The following PLCG2 variants were observed in gnomAD, a reference collection of about 807,000 sequenced individuals.
The protein encoded by PLCG2 is 1-phosphatidylinositol 4,5-bisphosphate phosphodiesterase gamma-2.
A neutral mutation model predicts 175.6 loss-of-function variants in PLCG2; 69 were observed. The observed-to-expected ratio is 0.39, with a 90% CI of 0.32 to 0.48. The LOEUF (loss-of-function observed/expected upper bound fraction) is 0.48. PLCG2 is among the 20% of genes least tolerant of loss of function. PLCG2 has a pLI of 0.91. For missense variants in PLCG2, 1,798 were observed against 1,650.9 expected (o/e 1.09, Z -1.54); for synonymous variants, 827 against 624.0 (o/e 1.33, Z -4.85).
At chr16:81,776,089 CTT>C (rs1231258051), upstream of PLCG2, among the ~76,000 whole-genome samples, 1 of 46,824 alleles carries the variant, frequency 2.1e-5, no homozygotes, top group Non-Finnish European at 5.4e-5. Context: ...CTCTCTCTCT[CTT>C]TCTTTCTTTT....
chr16:81,919,706 C>G, intron 20 of PLCG2, 42 bp downstream of exon 20: 1 of 1,553,010 alleles, frequency 6.4e-7, no homozygotes. Context: ...GATTTCTTGT[C>G]TGAGGTTGTA....
chr16:81,844,604 G>C (rs2143439221), intron 2 of PLCG2, among the ~76,000 whole-genome samples: 2 of 152,350 alleles, frequency 1.3e-5, no homozygotes, highest in South Asian at 4.1e-4. Context: ...TTACCGGCGT[G>C]AGCCACTGTG....
intron 2 of PLCG2, among the ~76,000 whole-genome samples, chr16:81,769,479 G>A (rs1036153560): frequency 6.6e-6 from 1 of 152,158 alleles, no homozygotes; most frequent in South Asian, 2.1e-4. Flanking sequence ...CCCCAGGAGA[G>A]GTGAGAGTCC....
intron 2 of PLCG2, among the ~76,000 whole-genome samples, chr16:81,805,632 C>T (rs770672165): frequency 5.9e-5 from 9 of 151,946 alleles, no homozygotes; most frequent in Non-Finnish European, 1.3e-4. Context: ...CCCCTTCCCC[C>T]ACCCCACTCA....
At chr16:81,952,418 C>T (rs1216179527) in intron 31 of PLCG2, among the ~76,000 whole-genome samples, 1 of 151,944 alleles carries the variant, frequency 6.6e-6, no homozygotes, top group African/African-American at 2.4e-5. Context: ...TATCATATGC[C>T]AATAAAAAGA....
intron 21 of PLCG2, among the ~76,000 whole-genome samples, chr16:81,923,146 G>A (rs564632677): frequency 6.6e-6 from 1 of 152,092 alleles, no homozygotes; most frequent in African/African-American, 2.4e-5. Flanking sequence ...GAGCAATATT[G>A]TGTCACTACA....
intron 2 of PLCG2, among the ~76,000 whole-genome samples, chr16:81,824,210 C>T (rs540797512): frequency 1.2e-4 from 18 of 151,348 alleles, no homozygotes; most frequent in Admixed American, 7.3e-4. Flanking sequence ...CTCAGCTCAC[C>T]GCAACCTCCA....
chr16:81,782,505 C>T (rs927188322), intron 1 of PLCG2, among the ~76,000 whole-genome samples: 1 of 152,104 alleles, frequency 6.6e-6, no homozygotes, highest in African/African-American at 2.4e-5. Flanking sequence ...GTTGATAAAG[C>T]GTGGAACGCT....
Position 81,958,647 on chromosome 16 carries a change from G to C in PLCG2, c.*649G>C, listed in dbSNP as rs1201502163. 1 of 224,312 alleles carries C rather than the reference G, an allele frequency of 4.5e-6. No individual in the cohort carries two copies. Among genetic ancestry groups the C allele is most frequent in the African/African-American group, 2.2e-5 (1 of 44,824 alleles). The allele number at this position is 224,312 out of a possible 1,614,324, so 13.9% of individuals were successfully genotyped here. On this transcript the variant is annotated 3_prime_UTR_variant, in exon 33 of 33. Coordinates refer to ENST00000564138, the MANE Select transcript of PLCG2 (RefSeq NM_002661.5). ...TGTGACTAGAGTTACTGGGATGGAGGGTAGGAATCTTGGGGCCTCTTTGTT... is the reference window on the plus strand; with the variant it reads ...TGTGACTAGAGTTACTGGGATGGAGCGTAGGAATCTTGGGGCCTCTTTGTT...
intron 23 of PLCG2, among the ~76,000 whole-genome samples, chr16:81,927,783 TA>T (rs757666611): frequency 3.3e-5 from 5 of 152,050 alleles, no homozygotes; most frequent in Non-Finnish European, 7.4e-5. Flanking sequence ...ATTTGACCCT[TA>T]AAAGTCAAGT....
chr16:81,953,529 G>C (rs1048161223), intron 31 of PLCG2, among the ~76,000 whole-genome samples: 1 of 152,130 alleles, frequency 6.6e-6, no homozygotes, highest in African/African-American at 2.4e-5. Flanking sequence ...TAAAGGCAGA[G>C]AGTGCCATAA....
chr16:81,812,932 A>G (rs951028792), intron 2 of PLCG2, among the ~76,000 whole-genome samples: 1 of 152,154 alleles, frequency 6.6e-6, no homozygotes, highest in Non-Finnish European at 1.5e-5. Context: ...TAAGTAGGGA[A>G]TCCTTTCCCC....
intron 30 of PLCG2, 47 bp from the exon 31 acceptor site, chr16:81,946,128 T>G: frequency 1.4e-5 from 20 of 1,454,662 alleles, no homozygotes; most frequent in Non-Finnish European, 1.7e-5. Flanking sequence ...ATCTAAGGTC[T>G]GACATTAATT....
chr16:81,793,238 C>G (rs141447790), intron 2 of PLCG2, among the ~76,000 whole-genome samples: 101 of 152,230 alleles, frequency 6.6e-4, no homozygotes, highest in African/African-American at 2.3e-3. Flanking sequence ...AGTTAAGGAG[C>G]TGGTTGTCTG....
chr16:81,906,775 C>G (rs908742768), intron 15 of PLCG2, among the ~76,000 whole-genome samples: 2 of 152,194 alleles, frequency 1.3e-5, no homozygotes, highest in Non-Finnish European at 2.9e-5. Context: ...CGCGATGGCT[C>G]ATGCCTATAA....
At chr16:81,790,931 C>G (rs1911203200) in intron 2 of PLCG2, among the ~76,000 whole-genome samples, 1 of 152,148 alleles carries the variant, frequency 6.6e-6, no homozygotes, top group African/African-American at 2.4e-5. Flanking sequence ...AGAGAGTGAT[C>G]CAGCAAACGT....
At chr16:81,847,335 G>A (rs903763694) in intron 2 of PLCG2, among the ~76,000 whole-genome samples, 32 of 152,174 alleles carry the variant, frequency 2.1e-4, no homozygotes, top group African/African-American at 7.0e-4. Context: ...GTCATCCTGG[G>A]TTTTTATGAG....
At chr16:81,906,869 C>G (rs1357906259) in intron 15 of PLCG2, among the ~76,000 whole-genome samples, 1 of 152,106 alleles carries the variant, frequency 6.6e-6, no homozygotes, top group Non-Finnish European at 1.5e-5. Context: ...GAATCCCCGT[C>G]TCTATTAAAA....
intron 2 of PLCG2, among the ~76,000 whole-genome samples, chr16:81,804,962 G>A (rs774618957): frequency 1.8e-4 from 28 of 152,182 alleles, no homozygotes; most frequent in Non-Finnish European, 3.2e-4. Flanking sequence ...TATTTGTAGT[G>A]TCTAGTCATT....
Sources: gnomAD v4.1 joint callset for allele counts (sites outside exome capture counted in the v4.1 genomes callset) on GRCh38, gnomAD v4.1.1 for gene constraint, MANE v1.5 for transcripts, NCBI Gene and HGNC (gene_info 2026-07-23, HGNC 2026-07-21) for gene names.